The following OR9Q1 variants were observed in gnomAD, a reference collection of about 807,000 sequenced individuals.
The protein encoded by OR9Q1 is olfactory receptor 9Q1.
For synonymous variants in OR9Q1, 153 were observed against 148.6 expected, an observed-to-expected ratio of 1.03 and a Z score of -0.22; for missense variants, 374 against 378.8, an observed-to-expected ratio of 0.99 and a Z score of 0.11.
At chr11:58,147,313 C>G (rs1039758253) in intron 2 of OR9Q1, among the ~76,000 whole-genome samples, 3 of 152,148 alleles carry the variant, frequency 2.0e-5, no homozygotes, top group Non-Finnish European at 4.4e-5. Flanking sequence ...TATACACTAT[C>G]TGTCCCTTCA....
chr11:58,147,712 G>T (rs7928296), intron 2 of OR9Q1, among the ~76,000 whole-genome samples: 7 of 151,990 alleles, frequency 4.6e-5, no homozygotes, highest in Non-Finnish European at 7.4e-5. Context: ...TCTGATTAAC[G>T]TAAAAAAACA....
At chr11:58,130,561 G>A (rs1036756388) in intron 2 of OR9Q1, among the ~76,000 whole-genome samples, 4 of 152,130 alleles carry the variant, frequency 2.6e-5, no homozygotes, top group Non-Finnish European at 5.9e-5. Context: ...GGAAGCCGAG[G>A]TGGATGGATT....
At chr11:58,045,536 A>G (rs112308510) in intron 1 of OR9Q1, among the ~76,000 whole-genome samples, 1 of 152,046 alleles carries the variant, frequency 6.6e-6, no homozygotes, top group Non-Finnish European at 1.5e-5. Context: ...GCCTGGCCAT[A>G]ATGATATGTG....
At chr11:58,082,912 A>C (rs1046673446) in intron 2 of OR9Q1, among the ~76,000 whole-genome samples, 2 of 149,862 alleles carry the variant, frequency 1.3e-5, no homozygotes, top group Admixed American at 1.3e-4. Context: ...GTCATTTAGC[A>C]TTAGGTATAT....
rs572955105 is a variant in OR9Q1 at position 58,136,523 on chromosome 11, G to A, written c.-14-42908G>A. 3.3e-5 allele frequency among the ~76,000 whole-genome samples: 5 copies of A among 152,222 alleles called. No individual in the cohort carries two copies. In the South Asian group the frequency reaches 1.0e-3, roughly 32 times the overall value. ...CCTCTCCCTGCCTGGAGATTTTGAG[G>A]AGATACTGTTTGTTTTCCCTAATCT... On this transcript the variant is annotated intron_variant, in intron 2 of 2. Transcript: ENST00000335397.
At chr11:58,046,781 T>C (rs566072452) in intron 1 of OR9Q1, among the ~76,000 whole-genome samples, 9 of 152,174 alleles carry the variant, frequency 5.9e-5, no homozygotes, top group Non-Finnish European at 1.2e-4. Context: ...GAGAATCACT[T>C]GAACCTGGGA....
At chr11:58,037,280 A>ATATT (rs1853108959) in intron 1 of OR9Q1, among the ~76,000 whole-genome samples, 1 of 152,174 alleles carries the variant, frequency 6.6e-6, no homozygotes, top group Admixed American at 6.5e-5. Flanking sequence ...CACACTTAAT[A>ATATT]GACTACACTA....
At chr11:58,146,154 G>C (rs970417248) in intron 2 of OR9Q1, among the ~76,000 whole-genome samples, 1 of 152,120 alleles carries the variant, frequency 6.6e-6, no homozygotes, top group African/African-American at 2.4e-5. Flanking sequence ...AATATTTCTC[G>C]ATCACCAAAG....
chr11:58,156,092 T>C (rs549737365), intron 2 of OR9Q1, among the ~76,000 whole-genome samples: 4 of 152,210 alleles, frequency 2.6e-5, no homozygotes, highest in African/African-American at 9.6e-5. Flanking sequence ...TTTGTACTTT[T>C]AGTAGATGTG....
Position 58,179,515 on chromosome 11 carries a change from C to A in OR9Q1, c.71C>A (p.Ala24Glu). Residue 24 changes from alanine (A) to glutamate (E), a missense_variant, in exon 3 of 3, where the codon GCA (alanine) becomes GAA (glutamate). Transcript: ENST00000335397. The stretch of plus-strand genomic sequence containing the variant: ...GCATTCACTGAATATCCTGAATGGG[C>A]ACTCCCTCTCTTCCTCTTGTTTTTA... ...LIAFTEYPEW[A>E]LPLFLLFLFM... 6.2e-7 allele frequency: 1 copy of A among 1,608,406 alleles called. No homozygotes were observed. Among genetic ancestry groups the A allele is most frequent in the South Asian group, 1.1e-5 (1 of 89,990 alleles).
intron 2 of OR9Q1, among the ~76,000 whole-genome samples, chr11:58,174,728 G>C (rs1457142939): frequency 6.7e-6 from 1 of 150,172 alleles, no homozygotes; most frequent in Admixed American, 6.7e-5. Context: ...TTTTCCCTTT[G>C]TTGAGGAAAG....
chr11:58,157,540 A>G (rs1402526697), intron 2 of OR9Q1, among the ~76,000 whole-genome samples: 1 of 152,070 alleles, frequency 6.6e-6, no homozygotes. Flanking sequence ...AAGGAAGAAA[A>G]GAAGGAAGGA....
rs769924595 is a variant in OR9Q1 at position 58,031,194 on chromosome 11, C to T, written c.-93+7090C>T. The T allele has an allele frequency of 1.2e-6, 2 of 1,614,124 alleles. No homozygotes were observed. Among genetic ancestry groups the T allele is most frequent in the Admixed American group, 1.7e-5 (1 of 60,022 alleles). ...ATCTGGTACACTTCTGTTACAGTGC[C>T]CAAGATGCTGGCTGGTTTTATTGGG... On this transcript the variant is annotated intron_variant, in intron 1 of 2. Coordinates refer to ENST00000335397, the MANE Select transcript of OR9Q1 (RefSeq NM_001005212.4).
At chr11:58,110,397 A>G (rs1488685041) in intron 2 of OR9Q1, among the ~76,000 whole-genome samples, 1 of 152,166 alleles carries the variant, frequency 6.6e-6, no homozygotes, top group Non-Finnish European at 1.5e-5. Context: ...GAACTATGTC[A>G]TCACCTGCCT....
chr11:58,029,758 TC>T (rs1421694168), intron 1 of OR9Q1, among the ~76,000 whole-genome samples: 6 of 152,050 alleles, frequency 3.9e-5, no homozygotes, highest in Admixed American at 3.9e-4. Context: ...ATATTCAGTC[TC>T]CTACTGGCAT....
At chr11:58,100,794 GGC>G (rs1179140956) in intron 2 of OR9Q1, among the ~76,000 whole-genome samples, 1 of 151,724 alleles carries the variant, frequency 6.6e-6, no homozygotes, top group Non-Finnish European at 1.5e-5. Context: ...AAGAAAACAT[GGC>G]ATATATACAC....
chr11:58,031,310 G>T, intron 1 of OR9Q1: 2 of 1,614,070 alleles, frequency 1.2e-6, no homozygotes, highest in Non-Finnish European at 1.7e-6. Flanking sequence ...TTTCCTACTG[G>T]CTGCCATGGC....
intron 1 of OR9Q1, among the ~76,000 whole-genome samples, chr11:58,038,054 A>T (rs763406741): frequency 4.3e-4 from 66 of 151,732 alleles, no homozygotes; most frequent in Non-Finnish European, 7.9e-4. Flanking sequence ...TTTTGAGATA[A>T]ATTACATAAA....
intron 1 of OR9Q1, among the ~76,000 whole-genome samples, chr11:58,029,628 A>T (rs11605988): frequency 0.22 from 33,084 of 152,100 alleles, 4,175 homozygotes; most frequent in Middle Eastern, 0.39. Context: ...TCTGTTTTTT[A>T]AAAAATGGGA....
Sources: gnomAD v4.1 joint callset for allele counts (sites outside exome capture counted in the v4.1 genomes callset) on GRCh38, gnomAD v4.1.1 for gene constraint, MANE v1.5 for transcripts, NCBI Gene and HGNC (gene_info 2026-07-23, HGNC 2026-07-21) for gene names.